Variants in EIF5A2 observed in about 807,000 individuals in gnomAD.
EIF5A2 encodes the protein eukaryotic translation initiation factor 5A2.
Under a neutral mutation model 16.4 loss-of-function variants are expected in EIF5A2, and 15 were observed. The observed-to-expected ratio is 0.92, with a 90% CI of 0.61 to 1.41. The LOEUF (loss-of-function observed/expected upper bound fraction) is 1.41, where lower values mean the gene tolerates loss of function less well. Among genes scored for constraint, EIF5A2 ranks in the 40% most tolerant of loss-of-function variants. EIF5A2 has a pLI of 0.00. For synonymous variants in EIF5A2, 48 were observed against 61.1 expected (o/e 0.79, Z 1.00); for missense variants, 144 against 189.5 (o/e 0.76, Z 1.41).
intron 3 of EIF5A2, among the ~76,000 whole-genome samples, chr3:170,902,149 C>T (rs1479454089): frequency 6.6e-6 from 1 of 152,182 alleles, no homozygotes; most frequent in Admixed American, 6.5e-5. Context: ...AACACTTTGT[C>T]TTACCACACT....
intron 3 of EIF5A2, among the ~76,000 whole-genome samples, chr3:170,905,810 A>G (rs1486452774): frequency 2.0e-5 from 3 of 152,196 alleles, no homozygotes; most frequent in Non-Finnish European, 4.4e-5. Flanking sequence ...ATGAGAAAAC[A>G]GGCTCAGAAA....
intron 3 of EIF5A2, among the ~76,000 whole-genome samples, chr3:170,903,240 A>G (rs1712856686): frequency 6.6e-6 from 1 of 152,182 alleles, no homozygotes; most frequent in Admixed American, 6.5e-5. Flanking sequence ...CGTTCCTGTC[A>G]TAGTATCTCA....
chr3:170,907,909 C>G, intron 1 of EIF5A2, 68 bp from the exon 2 acceptor site: 1 of 1,262,000 alleles, frequency 7.9e-7, no homozygotes, highest in East Asian at 2.4e-5. Flanking sequence ...TCATTTCGGA[C>G]AAGTTATGTG....
chr3:170,894,660 G>T (rs1250677815), intron 3 of EIF5A2, among the ~76,000 whole-genome samples: 1 of 151,336 alleles, frequency 6.6e-6, no homozygotes, highest in Non-Finnish European at 1.5e-5. Context: ...AACAGTTTAG[G>T]TTTCTTTATA....
At chr3:170,900,067 G>C (rs1712771603) in intron 3 of EIF5A2, among the ~76,000 whole-genome samples, 1 of 151,852 alleles carries the variant, frequency 6.6e-6, no homozygotes, top group South Asian at 2.1e-4. Context: ...AGGTTATAAG[G>C]CTATCAGAAT....
Position 170,907,598 on chromosome 3 carries a change from A to G in EIF5A2, c.165+44T>C, listed in dbSNP as rs372382170. The G allele has an allele frequency of 2.7e-6, 4 of 1,503,870 alleles. No individual in the cohort carries two copies. In the African/African-American group the frequency reaches 5.5e-5, roughly 21 times the overall value. 93.2% of individuals were successfully genotyped at this position (1,503,870 alleles called of 1,614,324 possible). A position where few individuals can be genotyped will look rare whatever the true frequency, so the allele number is the denominator to read the frequency against. Reference sequence around the variant, plus strand: ...TCTGTAACGGAATACAAATGATCAAAGTCCCAACGCCGAAGCCAAAGCCTG... The same window carrying G: ...TCTGTAACGGAATACAAATGATCAAGGTCCCAACGCCGAAGCCAAAGCCTG... On this transcript the variant is annotated intron_variant, in intron 2 of 4. Coordinates refer to ENST00000295822, the MANE Select transcript of EIF5A2 (RefSeq NM_020390.6).
intron 3 of EIF5A2, among the ~76,000 whole-genome samples, chr3:170,897,822 C>T (rs1342850517): frequency 1.3e-5 from 2 of 152,150 alleles, no homozygotes; most frequent in African/African-American, 2.4e-5. Context: ...CTTCTAGATT[C>T]CAGAATGGTG....
chr3:170,899,355 G>A (rs942074030), intron 3 of EIF5A2, among the ~76,000 whole-genome samples: 3 of 152,008 alleles, frequency 2.0e-5, no homozygotes, highest in African/African-American at 7.2e-5. Context: ...TCAGCCTCCC[G>A]AGTTACTGGG....
rs1483967735 is a variant in EIF5A2, at chr3:170,890,576, C to T, written c.*2784G>A. 1 of 152,032 alleles carries T rather than the reference C, an allele frequency of 6.6e-6. No homozygotes were observed. Among genetic ancestry groups the T allele is most frequent in the Non-Finnish European group, 1.5e-5 (1 of 67,940 alleles). The allele number at this position is 152,032 out of a possible 1,614,324, so 9.4% of individuals were successfully genotyped here. On this transcript the variant is annotated 3_prime_UTR_variant, in exon 5 of 5. Coordinates refer to ENST00000295822, the MANE Select transcript of EIF5A2 (RefSeq NM_020390.6). The stretch of plus-strand genomic sequence containing the variant: ...AGCAATGATATGATCTATGTTGTAG[C>T]AAATAAGGTATAACAAAGTCTTCAC...
chr3:170,901,522 C>T (rs1712813583), intron 3 of EIF5A2, among the ~76,000 whole-genome samples: 1 of 151,220 alleles, frequency 6.6e-6, no homozygotes, highest in African/African-American at 2.4e-5. Flanking sequence ...TGATATACAA[C>T]AGAAGGCTGG....
At chr3:170,893,521 A>G (rs1576785754) in intron 4 of EIF5A2, 102 bp from the exon 5 acceptor site, 4 of 1,249,000 alleles carry the variant, frequency 3.2e-6, no homozygotes, top group Non-Finnish European at 4.4e-6. Context: ...TTTTGTACAT[A>G]TGGACTTCTG....
chr3:170,890,126 T>C lies in EIF5A2; in HGVS notation c.*3234A>G, dbSNP rs1254059001. ...TACAGCTCAACTAGAAATATTCTAA[T>C]TGAGAAACCTTAAAGTACAAAAACA... On this transcript the variant is annotated 3_prime_UTR_variant, in exon 5 of 5. Coordinates refer to ENST00000295822, the MANE Select transcript of EIF5A2 (RefSeq NM_020390.6). The C allele has an allele frequency of 1.3e-5, 2 of 152,190 alleles. No individual in the cohort carries two copies. Among genetic ancestry groups the C allele is most frequent in the African/African-American group, 4.8e-5 (2 of 41,340 alleles). 9.4% of individuals were successfully genotyped at this position (152,190 alleles called of 1,614,324 possible). A position where few individuals can be genotyped will look rare whatever the true frequency, so the allele number is the denominator to read the frequency against.
intron 3 of EIF5A2, among the ~76,000 whole-genome samples, chr3:170,902,166 TCTC>T (rs1229782761): frequency 1.3e-5 from 2 of 152,138 alleles, no homozygotes; most frequent in African/African-American, 2.4e-5. Context: ...CACTGACACT[TCTC>T]CTTCAACTGA....
In EIF5A2 at chr3:170,892,538, A is replaced by G; in HGVS notation, c.*822T>C. 1 of 383,286 alleles carries G rather than the reference A, an allele frequency of 2.6e-6. No individual in the cohort carries two copies. Among genetic ancestry groups the G allele is most frequent in the Middle Eastern group, 6.6e-4 (1 of 1,514 alleles). 23.7% of individuals were successfully genotyped at this position (383,286 alleles called of 1,614,324 possible). The stretch of plus-strand genomic sequence containing the variant: ...CATTGCATAGTATCATGTAAAGCAG[A>G]TCACTCCCTTTAAACGTTGGGGGCA... On this transcript the variant is annotated 3_prime_UTR_variant, in exon 5 of 5. Coordinates refer to ENST00000295822, the MANE Select transcript of EIF5A2 (RefSeq NM_020390.6).
At position 170,893,262 on chromosome 3, in the gene EIF5A2, G is replaced by A. The variant is rs1024165050; in HGVS notation, c.*98C>T. On this transcript the variant is annotated 3_prime_UTR_variant, in exon 5 of 5. Coordinates refer to ENST00000295822, the MANE Select transcript of EIF5A2 (RefSeq NM_020390.6). The stretch of plus-strand genomic sequence containing the variant: ...TGAAAACAATTAAAAAAAGAAATGA[G>A]GTTGCTTATGAAGGCTATAGCTTTG... 6 of 1,150,844 alleles carry A rather than the reference G, an allele frequency of 5.2e-6. No homozygotes were observed. Among genetic ancestry groups the A allele is most frequent in the African/African-American group, 1.6e-5 (1 of 62,622 alleles). The allele number at this position is 1,150,844 out of a possible 1,614,324, so 71.3% of individuals were successfully genotyped here.
chr3:170,895,382 T>A (rs1712644778), intron 3 of EIF5A2, among the ~76,000 whole-genome samples: 1 of 151,818 alleles, frequency 6.6e-6, no homozygotes, highest in African/African-American at 2.4e-5. Flanking sequence ...AAAAGCACGG[T>A]TTTGATACCA....
At position 170,893,329 on chromosome 3, in the gene EIF5A2, C is replaced by T; in HGVS notation, c.*31G>A. ...AAATTAGATCTGCAGTTGATTCAGA[C>T]ATAAACAGTGTTCATGCCTGATGTT... On this transcript the variant is annotated 3_prime_UTR_variant, in exon 5 of 5. Transcript: ENST00000295822. The T allele has an allele frequency of 6.2e-7, 1 of 1,612,648 alleles. No individual in the cohort carries two copies. Among genetic ancestry groups the T allele is most frequent in the Non-Finnish European group, 8.5e-7 (1 of 1,179,156 alleles).
rs116646752 is a variant in EIF5A2, at chr3:170,895,918, C to T, written c.271-1495G>A. Among the ~76,000 whole-genome samples, 784 of 152,292 alleles carry T rather than the reference C, an allele frequency of 5.1e-3. 5 individuals carry two copies. Among genetic ancestry groups the T allele is most frequent in the African/African-American group, 0.018 (747 of 41,560 alleles). On this transcript the variant is annotated intron_variant, in intron 3 of 4. Coordinates refer to ENST00000295822, the MANE Select transcript of EIF5A2 (RefSeq NM_020390.6). ...CTCGAACTCCTGGGGTCAAGTGAGC[C>T]TCTGCTTTAGCCTTCCAAGGAGCTG...
At chr3:170,899,037 T>C (rs1165458990) in intron 3 of EIF5A2, among the ~76,000 whole-genome samples, 1 of 152,214 alleles carries the variant, frequency 6.6e-6, no homozygotes, top group Non-Finnish European at 1.5e-5. Context: ...GGGAATTTAA[T>C]ATTGATAACC....
Sources: gnomAD v4.1 joint callset for allele counts (sites outside exome capture counted in the v4.1 genomes callset) on GRCh38, gnomAD v4.1.1 for gene constraint, MANE v1.5 for transcripts, NCBI Gene and HGNC (gene_info 2026-07-23, HGNC 2026-07-21) for gene names.